The following MCM5 variants were observed in gnomAD, a reference collection of about 807,000 sequenced individuals.
MCM5 encodes DNA replication licensing factor MCM5.
Under a neutral mutation model 79.9 loss-of-function variants are expected in MCM5, and 46 were observed. That is an observed-to-expected ratio of 0.58 (90% CI 0.45 to 0.74). MCM5 has a LOEUF of 0.74. Ranked by LOEUF, MCM5 falls within the 30% of genes least tolerant of loss-of-function variation. MCM5 has a pLI of 0.00. For synonymous variants in MCM5, 404 were observed against 390.5 expected (o/e 1.03, Z -0.41); for missense variants, 883 against 1,017.0 (o/e 0.87, Z 1.79).
chr22:35,445,521 T>C, the MCM5 span, among the ~76,000 whole-genome samples: 1 of 137,094 alleles, frequency 7.3e-6, no homozygotes, highest in South Asian at 2.3e-4. Context: ...ATTTTTTTTT[T>C]TTTTTTGAGA....
the MCM5 span, among the ~76,000 whole-genome samples, chr22:35,433,124 CAG>C: frequency 6.6e-6 from 1 of 152,040 alleles, no homozygotes; most frequent in Non-Finnish European, 1.5e-5. Context: ...CTTGTAGAGA[CAG>C]GGTCTTGCTA....
chr22:35,423,288 G>A lies in MCM5; in HGVS notation c.2050G>A (p.Ala684Thr). 6.2e-7 allele frequency: 1 copy of A among 1,609,200 alleles called. No individual in the cohort carries two copies. Among genetic ancestry groups the A allele is most frequent in the Non-Finnish European group, 8.5e-7 (1 of 1,176,998 alleles). Residue 684 changes from alanine to threonine, a missense_variant, in exon 16 of 17, where the codon GCC becomes ACC. By Grantham distance (58) the Ala-to-Thr change is moderately conservative (BLOSUM62 0). This residue lies in a region of MCM5 where 426 missense variants were observed against 482.3 expected (regional missense o/e 0.88). Coordinates refer to ENST00000216122, the MANE Select transcript of MCM5 (RefSeq NM_006739.4). ...RIEKQLKRRF[A>T]IGSQVSEHSI... ...CGAGAAGCAGCTCAAGCGCCGCTTT[G>A]CCATTGGCTCCCAGGTGTCTGAGCA...
intron 2 of MCM5, chr22:35,401,349 C>A: frequency 4.3e-6 from 2 of 467,594 alleles, no homozygotes; most frequent in South Asian, 3.1e-5. Context: ...CTTCACTTCG[C>A]TCATTCATTT....
chr22:35,412,670 C>A lies in MCM5; in HGVS notation c.1080C>A (p.Gly360=). The change falls in exon 8 of 17, where the codon GGC becomes GGA. Residue 360 remains glycine (G), a synonymous_variant. Transcript: ENST00000216122. ...KKAIACLLFG[G]SRKRLPDGLT... ...CCATTGCCTGCCTGCTCTTTGGGGG[C>A]TCCCGAAAGAGGTAGGGGCTTGAGT... The A allele has an allele frequency of 6.7e-7, 1 of 1,499,262 alleles. No homozygotes were observed. Among genetic ancestry groups the A allele is most frequent in the Admixed American group, 2.1e-5 (1 of 46,824 alleles). The allele number at this position is 1,499,262 out of a possible 1,614,324, so 92.9% of individuals were successfully genotyped here. A position where few individuals can be genotyped will look rare whatever the true frequency, so the allele number is the denominator to read the frequency against.
At chr22:35,416,274 G>A (rs1932536226) in intron 10 of MCM5, 65 bp from the exon 11 acceptor site, 20 of 1,503,534 alleles carry the variant, frequency 1.3e-5, no homozygotes, top group Non-Finnish European at 1.8e-5. Flanking sequence ...TAGTTTTCCT[G>A]TTTCTACTGC....
chr22:35,416,612 C>G (rs1266727148), intron 11 of MCM5, 26 bp from the exon 12 acceptor site: 5 of 1,602,106 alleles, frequency 3.1e-6, no homozygotes, highest in Non-Finnish European at 4.3e-6. Context: ...ATCTCCTCCC[C>G]CTTTTCGTCG....
chr22:35,453,577 A>G, the MCM5 span, among the ~76,000 whole-genome samples: 2 of 151,508 alleles, frequency 1.3e-5, no homozygotes, highest in Non-Finnish European at 2.9e-5. Flanking sequence ...AGAGTGAATC[A>G]GAGAGACAGA....
At chr22:35,421,294 C>T (rs1932685805) in intron 14 of MCM5, 24 bp from the exon 15 acceptor site, 2 of 1,608,292 alleles carry the variant, frequency 1.2e-6, no homozygotes, top group Non-Finnish European at 1.7e-6. Context: ...CGAGGCTACC[C>T]TGAGCACGCT....
chr22:35,406,296 A>C (rs868516392), intron 4 of MCM5, among the ~76,000 whole-genome samples: 8,806 of 118,380 alleles, frequency 0.074, 86 homozygotes, highest in Middle Eastern at 0.085. Flanking sequence ...TTGCCCTGCC[A>C]CCTCCCCCCC....
intron 5 of MCM5, 69 bp from the exon 6 acceptor site, chr22:35,408,339 G>A: frequency 6.7e-7 from 1 of 1,482,502 alleles, no homozygotes; most frequent in Non-Finnish European, 9.3e-7. Context: ...GCTGGCTCCT[G>A]GGATGAATGA....
chr22:35,447,302 A>T, the MCM5 span, among the ~76,000 whole-genome samples: 1 of 152,014 alleles, frequency 6.6e-6, no homozygotes, highest in East Asian at 1.9e-4. Context: ...AGCCCACATG[A>T]GGGTTCTGCT....
At chr22:35,437,491 C>T in the MCM5 span, among the ~76,000 whole-genome samples, 1 of 152,156 alleles carries the variant, frequency 6.6e-6, no homozygotes, top group Admixed American at 6.5e-5. Flanking sequence ...GGAATGACAG[C>T]CTTGAGAATC....
At chr22:35,448,729 C>T in the MCM5 span, among the ~76,000 whole-genome samples, 1 of 152,162 alleles carries the variant, frequency 6.6e-6, no homozygotes, top group South Asian at 2.1e-4. Flanking sequence ...CGAACACCCT[C>T]CAGGTTTAGT....
At chr22:35,438,384 C>T in the MCM5 span, among the ~76,000 whole-genome samples, 1 of 151,088 alleles carries the variant, frequency 6.6e-6, no homozygotes, top group Admixed American at 6.6e-5. Context: ...TCCATTCATC[C>T]ATCCATCCAT....
intron 9 of MCM5, among the ~76,000 whole-genome samples, chr22:35,414,587 C>A (rs1932485704): frequency 6.6e-6 from 1 of 151,626 alleles, no homozygotes; most frequent in South Asian, 2.1e-4. Context: ...CCACTGCACT[C>A]CAGCCTGGGT....
At position 35,423,298 on chromosome 22, in the gene MCM5, C is replaced by G; in HGVS notation, c.2060C>G (p.Ser687Cys). ...CTCAAGCGCCGCTTTGCCATTGGCTCCCAGGTGTCTGAGCACAGCATCATC... is the reference window on the plus strand; with the variant it reads ...CTCAAGCGCCGCTTTGCCATTGGCTGCCAGGTGTCTGAGCACAGCATCATC... ...KQLKRRFAIG[S>C]QVSEHSIIKD... is the part of the protein sequence containing the mutation. Residue 687 changes from serine to cysteine, a missense_variant, in exon 16 of 17, where the codon TCC becomes TGC. Physicochemically the swap from Ser to Cys is moderately radical, Grantham distance 112. Transcript: ENST00000216122. The G allele has an allele frequency of 6.2e-7, 1 of 1,608,916 alleles. No individual in the cohort carries two copies. The highest frequency in any genetic ancestry group is 1.1e-5 in the South Asian group (1 of 90,366).
At chr22:35,421,282 A>G (rs746691148) in intron 14 of MCM5, 36 bp from the exon 15 acceptor site, 5 of 1,597,500 alleles carry the variant, frequency 3.1e-6, no homozygotes, top group Non-Finnish European at 4.3e-6. Flanking sequence ...GGAATAGCGG[A>G]CCGAGGCTAC....
intron 13 of MCM5, among the ~76,000 whole-genome samples, chr22:35,418,887 A>G (rs1167604720): frequency 3.3e-5 from 5 of 152,208 alleles, no homozygotes; most frequent in Non-Finnish European, 5.9e-5. Flanking sequence ...GCCCAAGGTC[A>G]CATGCCAGAG....
At chr22:35,452,252 CT>C in the MCM5 span, among the ~76,000 whole-genome samples, 1 of 152,166 alleles carries the variant, frequency 6.6e-6, no homozygotes, top group African/African-American at 2.4e-5. Context: ...GTGGAACCCC[CT>C]GCCTGGATCA....
Sources: allele counts gnomAD v4.1 joint callset (sites outside exome capture counted in the v4.1 genomes callset), GRCh38; gene constraint gnomAD v4.1.1; regional missense constraint gnomAD v4.1.1; transcripts MANE v1.5; gene names NCBI Gene and HGNC (gene_info 2026-07-23, HGNC 2026-07-21).